TBC1D9: variants seen among roughly 807,000 people sequenced by gnomAD.
The protein encoded by TBC1D9 is TBC1 domain family member 9A.
A neutral mutation model predicts 132.0 loss-of-function variants in TBC1D9; 63 were observed. That is an observed-to-expected ratio of 0.48 (90% CI 0.39 to 0.59). TBC1D9 has a LOEUF of 0.59. Ranked by LOEUF, TBC1D9 falls within the 20% of genes least tolerant of loss-of-function variation. The probability of loss-of-function intolerance (pLI) is 0.00; values close to 1 mark genes in which losing one functional copy is unlikely to be tolerated. For synonymous variants in TBC1D9, 610 were observed against 609.9 expected, an observed-to-expected ratio of 1.00 and a Z score of 0.00; for missense variants, 1,261 against 1,592.7, an observed-to-expected ratio of 0.79 and a Z score of 3.54.
At position 140,756,150 on chromosome 4, in the gene TBC1D9, C is replaced by T. The variant is rs1269405166; in HGVS notation, c.-105G>A. ...CTGGGCACACGCGCGCCCGCCCGCC[C>T]GTCCGCTAGGTGCGGCGGCGGCGGC... On this transcript the variant is annotated 5_prime_UTR_variant, in exon 1 of 21. Coordinates refer to ENST00000442267, the MANE Select transcript of TBC1D9 (RefSeq NM_015130.3). The surrounding 1 kb of genome is among the most constrained non-coding windows in gnomAD (Gnocchi z 5.6). The T allele has an allele frequency of 2.0e-5, 19 of 942,570 alleles. No homozygotes were observed. The highest frequency in any genetic ancestry group is 2.4e-5 in the Non-Finnish European group (17 of 707,146). The allele number at this position is 942,570 out of a possible 1,614,324, so 58.4% of individuals were successfully genotyped here.
In TBC1D9 at chr4:140,661,431, C is replaced by T. The variant is rs79651545; in HGVS notation, c.1803+462G>A. ...AGGATGCAAAGTAGCAACACTGTGGCGAACCACAGTGACAGGCCTGGTGCT... is the reference window on the plus strand; with the variant it reads ...AGGATGCAAAGTAGCAACACTGTGGTGAACCACAGTGACAGGCCTGGTGCT... On this transcript the variant is annotated intron_variant, in intron 10 of 20. Transcript: ENST00000442267. Among the ~76,000 whole-genome samples, 438 of 152,250 alleles carry T rather than the reference C, an allele frequency of 2.9e-3. 17 individuals carry two copies. The East Asian group carries it at 0.07, about 24-fold the overall frequency.
intron 1 of TBC1D9, among the ~76,000 whole-genome samples, chr4:140,736,399 G>C (rs1738673489): frequency 6.6e-6 from 1 of 152,036 alleles, no homozygotes; most frequent in South Asian, 2.1e-4. Context: ...AAATTAGCCA[G>C]GCATGGTGGT....
intron 13 of TBC1D9, chr4:140,645,301 C>A: frequency 3.9e-6 from 2 of 510,070 alleles, no homozygotes; most frequent in Admixed American, 4.1e-5. Flanking sequence ...GAGGGTGCTC[C>A]TGGTCTGCCA....
rs539392991 is a variant in TBC1D9 at position 140,636,112 on chromosome 4, T to C, written c.2506-1924A>G. ...TGCTCACAACCATTAGGATAAAACA[T>C]GCCCTTCAGATCATCTCCCTTGTTC... On this transcript the variant is annotated intron_variant, in intron 15 of 20. Transcript: ENST00000442267. Among the ~76,000 whole-genome samples the C allele has an allele frequency of 3.4e-4, 52 of 152,236 alleles. 1 individual carries two copies. Among genetic ancestry groups the C allele is most frequent in the Admixed American group, 3.3e-3 (51 of 15,290 alleles).
At chr4:140,702,543 G>C (rs548241422) in intron 1 of TBC1D9, among the ~76,000 whole-genome samples, 1 of 152,274 alleles carries the variant, frequency 6.6e-6, no homozygotes, top group East Asian at 1.9e-4. Flanking sequence ...GCACAACCCT[G>C]TTTCTCACTC....
intron 1 of TBC1D9, among the ~76,000 whole-genome samples, chr4:140,741,661 T>A (rs1463831106): frequency 6.6e-6 from 1 of 152,190 alleles, no homozygotes; most frequent in East Asian, 1.9e-4. Flanking sequence ...GAGGATGCAG[T>A]GAGCAGAGAT....
At chr4:140,651,522 GGGTGA>G (rs61203821) in intron 13 of TBC1D9, among the ~76,000 whole-genome samples, 9,513 of 152,158 alleles carry the variant, frequency 0.063, 338 homozygotes, top group Admixed American at 0.11. Context: ...CATTAACAAC[GGGTGA>G]GAACTAACTT....
At chr4:140,691,748 A>G (rs1245221317) in intron 2 of TBC1D9, among the ~76,000 whole-genome samples, 2 of 152,264 alleles carry the variant, frequency 1.3e-5, no homozygotes, top group Non-Finnish European at 2.9e-5. Flanking sequence ...TATCATTTCA[A>G]GCAGTTTTTT....
At chr4:140,693,118 T>C (rs1490003554) in intron 2 of TBC1D9, among the ~76,000 whole-genome samples, 1 of 152,086 alleles carries the variant, frequency 6.6e-6, no homozygotes, top group Non-Finnish European at 1.5e-5. Flanking sequence ...TTTTTAATAA[T>C]CTTTTTCATT....
At chr4:140,652,666 T>C (rs1050118552) in intron 13 of TBC1D9, among the ~76,000 whole-genome samples, 2 of 152,240 alleles carry the variant, frequency 1.3e-5, no homozygotes, top group African/African-American at 4.8e-5. Context: ...TCTCTTAACT[T>C]ACATTTTCAC....
chr4:140,648,805 C>T (rs1398027085), intron 13 of TBC1D9, among the ~76,000 whole-genome samples: 2 of 152,110 alleles, frequency 1.3e-5, no homozygotes, highest in African/African-American at 2.4e-5. Flanking sequence ...CCCCATCCTG[C>T]CTGCAGATGT....
chr4:140,717,668 A>G (rs1035097360), intron 1 of TBC1D9, among the ~76,000 whole-genome samples: 1 of 152,202 alleles, frequency 6.6e-6, no homozygotes, highest in Non-Finnish European at 1.5e-5. Context: ...CGGGGCCTCT[A>G]TGAAATCTAG....
chr4:140,622,325 G>T lies in TBC1D9; in HGVS notation c.3671C>A (p.Pro1224His), dbSNP rs780458894. Reference protein sequence around the residue: ...EQFLASLLTEPALVKYFDKPV... With the variant: ...EQFLASLLTEHALVKYFDKPV... Reference sequence around the variant, plus strand: ...CTTGTCAAAGTACTTGACCAGGGCAGGCTCAGTTAAGAGGGAGGCCAGGAA... The same window carrying T: ...CTTGTCAAAGTACTTGACCAGGGCATGCTCAGTTAAGAGGGAGGCCAGGAA... The change falls in exon 21 of 21, where the codon CCT becomes CAT. Residue 1224 changes from proline to histidine, a missense_variant. Around this residue, in one of 3 missense-constraint regions of TBC1D9, gnomAD observed 618 missense variants for 724.4 expected, o/e 0.85. Transcript: ENST00000442267. The T allele has an allele frequency of 1.9e-5, 30 of 1,613,824 alleles. No homozygotes were observed. The East Asian group carries it at 6.2e-4, about 34-fold the overall frequency.
At chr4:140,722,345 T>C (rs1274123432) in intron 1 of TBC1D9, among the ~76,000 whole-genome samples, 1 of 152,240 alleles carries the variant, frequency 6.6e-6, no homozygotes, top group African/African-American at 2.4e-5. Flanking sequence ...ATCCTTCCCC[T>C]TAACCTTTCC....
intron 1 of TBC1D9, among the ~76,000 whole-genome samples, chr4:140,708,195 A>G (rs1738177123): frequency 6.6e-6 from 1 of 152,220 alleles, no homozygotes; most frequent in Non-Finnish European, 1.5e-5. Context: ...TTCCAATATT[A>G]TAAGTTCTAG....
chr4:140,709,774 C>A (rs899688225), intron 1 of TBC1D9, among the ~76,000 whole-genome samples: 1 of 152,156 alleles, frequency 6.6e-6, no homozygotes, highest in Non-Finnish European at 1.5e-5. Context: ...CACCTCAGAT[C>A]ATCAGGCATT....
At chr4:140,677,499 T>C (rs1388865551) in intron 5 of TBC1D9, among the ~76,000 whole-genome samples, 1 of 152,174 alleles carries the variant, frequency 6.6e-6, no homozygotes, top group African/African-American at 2.4e-5. Context: ...ACCAGCCATA[T>C]AAATCCACTG....
At chr4:140,741,391 T>G (rs1202089812) in intron 1 of TBC1D9, among the ~76,000 whole-genome samples, 1 of 152,154 alleles carries the variant, frequency 6.6e-6, no homozygotes, top group Admixed American at 6.5e-5. Context: ...GAGATTTAAT[T>G]AAGAATCTAG....
intron 11 of TBC1D9, among the ~76,000 whole-genome samples, chr4:140,659,233 C>T (rs1486340487): frequency 6.6e-6 from 1 of 152,116 alleles, no homozygotes; most frequent in African/African-American, 2.4e-5. Context: ...TTTGGCAACA[C>T]CTCTGTATTT....
Sources: allele counts gnomAD v4.1 joint callset (sites outside exome capture counted in the v4.1 genomes callset), GRCh38; gene constraint gnomAD v4.1.1; regional missense constraint gnomAD v4.1.1; non-coding constraint Gnocchi (gnomAD v3.1); transcripts MANE v1.5; gene names NCBI Gene and HGNC (gene_info 2026-07-23, HGNC 2026-07-21).